The following VRK2 variants were observed in gnomAD, a reference collection of about 807,000 sequenced individuals.
The protein encoded by VRK2 is serine/threonine-protein kinase VRK2.
VRK2 carries 60 observed loss-of-function variants against 57.6 expected under a neutral mutation model. The observed-to-expected ratio is 1.04, with a 90% CI of 0.85 to 1.29. VRK2 has a LOEUF of 1.29. Ranked by LOEUF, VRK2 falls within the 50% of genes most tolerant of loss-of-function variation. VRK2 has a pLI of 0.00. For synonymous variants in VRK2, 231 were observed against 199.2 expected (o/e 1.16, Z -1.35); for missense variants, 705 against 588.1 (o/e 1.20, Z -2.06).
At chr2:58,009,474 T>G (rs1673353227) in intron 1 of VRK2, among the ~76,000 whole-genome samples, 1 of 150,900 alleles carries the variant, frequency 6.6e-6, no homozygotes, top group Non-Finnish European at 1.5e-5. Context: ...TAAATTTTAA[T>G]AAAGGTTGAT....
At chr2:58,074,951 G>C (rs963765586) in intron 2 of VRK2, among the ~76,000 whole-genome samples, 1 of 152,006 alleles carries the variant, frequency 6.6e-6, no homozygotes, top group Non-Finnish European at 1.5e-5. Context: ...TGTTACATGG[G>C]TAAATTGTGC....
chr2:58,015,014 C>A (rs1266952111), intron 1 of VRK2, among the ~76,000 whole-genome samples: 1 of 152,090 alleles, frequency 6.6e-6, no homozygotes, highest in Non-Finnish European at 1.5e-5. Flanking sequence ...TACATTTGTG[C>A]AATTTTAAGC....
intron 5 of VRK2, among the ~76,000 whole-genome samples, chr2:58,087,624 A>C (rs1259335361): frequency 1.3e-5 from 2 of 152,182 alleles, no homozygotes; most frequent in Non-Finnish European, 2.9e-5. Flanking sequence ...AAAAGGAAGA[A>C]GTGCACTTAA....
At chr2:58,108,021 C>T (rs1375722783) in intron 7 of VRK2, among the ~76,000 whole-genome samples, 1 of 152,152 alleles carries the variant, frequency 6.6e-6, no homozygotes, top group Admixed American at 6.5e-5. Flanking sequence ...AACTTTTACT[C>T]TGTCACTCAG....
chr2:58,129,363 A>G (rs1308774670), intron 8 of VRK2, among the ~76,000 whole-genome samples: 8 of 152,222 alleles, frequency 5.3e-5, no homozygotes, highest in Non-Finnish European at 1.0e-4. Flanking sequence ...TACATTGCAC[A>G]GTATCATCTG....
At chr2:58,061,847 C>T (rs1344298950) in intron 2 of VRK2, among the ~76,000 whole-genome samples, 1 of 152,132 alleles carries the variant, frequency 6.6e-6, no homozygotes, top group African/African-American at 2.4e-5. Context: ...TAAGTCTTCA[C>T]ACTGGTCTGT....
In VRK2 at chr2:58,123,641, C is replaced by T. The variant is rs541106549; in HGVS notation, c.676+408C>T. Among the ~76,000 whole-genome samples, 60 of 152,146 alleles carry T rather than the reference C, an allele frequency of 3.9e-4. 1 individual carries two copies. Among genetic ancestry groups the T allele is most frequent in the African/African-American group, 1.3e-3 (53 of 41,522 alleles). On this transcript the variant is annotated intron_variant, in intron 8 of 12. Transcript: ENST00000340157. ...CTTTGGGAGGCTGAGGCAGGAGGATCGCTTGAGTCTAGGAGTTCAAGACCA... is the reference window on the plus strand; with the variant it reads ...CTTTGGGAGGCTGAGGCAGGAGGATTGCTTGAGTCTAGGAGTTCAAGACCA...
At chr2:57,939,534 A>G (rs1416353985) in intron 1 of VRK2, among the ~76,000 whole-genome samples, 3 of 152,202 alleles carry the variant, frequency 2.0e-5, no homozygotes, top group Non-Finnish European at 4.4e-5. Context: ...ATGAGGACAC[A>G]TGGCTGCACA....
intron 2 of VRK2, among the ~76,000 whole-genome samples, chr2:58,068,113 A>G (rs2103961054): frequency 6.6e-6 from 1 of 152,082 alleles, no homozygotes; most frequent in Non-Finnish European, 1.5e-5. Context: ...TATTTTTAGT[A>G]GAGATGAGGT....
intron 2 of VRK2, among the ~76,000 whole-genome samples, chr2:58,069,050 GT>G (rs1252022326): frequency 6.6e-6 from 1 of 151,916 alleles, no homozygotes; most frequent in African/African-American, 2.4e-5. Flanking sequence ...TCATATATGA[GT>G]TTTTTTCTGC....
At chr2:57,981,547 G>C (rs1672423620) in intron 1 of VRK2, among the ~76,000 whole-genome samples, 1 of 152,084 alleles carries the variant, frequency 6.6e-6, no homozygotes, top group East Asian at 1.9e-4. Flanking sequence ...TATCTGGCAG[G>C]GGTTCCCTGA....
intron 1 of VRK2, among the ~76,000 whole-genome samples, chr2:57,972,382 C>T (rs535615142): frequency 1.2e-4 from 18 of 151,928 alleles, no homozygotes; most frequent in African/African-American, 4.3e-4. Flanking sequence ...TTCCTAATAA[C>T]ATTAATGTGT....
chr2:58,136,867 ATATC>A (rs1306035664), intron 10 of VRK2, among the ~76,000 whole-genome samples: 19 of 87,984 alleles, frequency 2.2e-4, no homozygotes, highest in Non-Finnish European at 3.1e-4. Flanking sequence ...ATGTGTATAT[ATATC>A]ATATATTATA....
At chr2:58,092,022 A>C (rs1286450130) in intron 7 of VRK2, among the ~76,000 whole-genome samples, 1 of 152,232 alleles carries the variant, frequency 6.6e-6, no homozygotes, top group African/African-American at 2.4e-5. Context: ...TTCAAAGATT[A>C]GGTTTTTTGA....
intron 1 of VRK2, among the ~76,000 whole-genome samples, chr2:57,991,060 A>G (rs1374357068): frequency 1.3e-5 from 2 of 149,554 alleles, no homozygotes; most frequent in Non-Finnish European, 2.9e-5. Context: ...ATTGCTTTAA[A>G]CAAAAAAAAA....
At chr2:58,104,011 T>TTATACATGCAGAAA (rs1674392475) in intron 7 of VRK2, among the ~76,000 whole-genome samples, 2 of 151,798 alleles carry the variant, frequency 1.3e-5, no homozygotes, top group South Asian at 4.1e-4. Flanking sequence ...AAGCATGTGA[T>TTATACATGCAGAAA]AAAATTCAGC....
At position 58,159,763 on chromosome 2, in the gene VRK2, T is replaced by C. The variant is rs772396790; in HGVS notation, c.*70T>C. The stretch of plus-strand genomic sequence containing the variant: ...TCTTCACCGAAATGTTGTATTCTTA[T>C]TTCAGTGTTTCCTTCCAGACATTTT... On this transcript the variant is annotated 3_prime_UTR_variant, in exon 13 of 13. Coordinates refer to ENST00000340157, the MANE Select transcript of VRK2 (RefSeq NM_006296.7). The C allele has an allele frequency of 3.7e-6, 6 of 1,613,194 alleles. No homozygotes were observed. Among genetic ancestry groups the C allele is most frequent in the Admixed American group, 1.7e-5 (1 of 59,946 alleles).
chr2:58,084,288 C>T (rs1264252124), intron 3 of VRK2, 150 bp downstream of exon 3: 5 of 785,052 alleles, frequency 6.4e-6, no homozygotes, highest in Non-Finnish European at 9.4e-6. Context: ...AACATTAAAA[C>T]TGGAGAACCT....
chr2:58,061,473 A>G (rs1291468382), intron 2 of VRK2, among the ~76,000 whole-genome samples: 3 of 152,006 alleles, frequency 2.0e-5, no homozygotes, highest in African/African-American at 7.2e-5. Context: ...GTAAGCCTCA[A>G]TTAAAGAAGA....
Sources: allele counts gnomAD v4.1 joint callset (sites outside exome capture counted in the v4.1 genomes callset), GRCh38; gene constraint gnomAD v4.1.1; transcripts MANE v1.5; gene names NCBI Gene and HGNC (gene_info 2026-07-23, HGNC 2026-07-21).